HK2: variants seen among roughly 807,000 people sequenced by gnomAD.
HK2 encodes the protein hexokinase 2.
A neutral mutation model predicts 92.9 loss-of-function variants in HK2; 42 were observed. The observed-to-expected ratio is 0.45, with a 90% CI of 0.35 to 0.58. The LOEUF is 0.58. Ranked by LOEUF, HK2 falls within the 20% of genes least tolerant of loss-of-function variation. HK2 has a pLI of 0.00. For synonymous variants in HK2, 422 were observed against 468.0 expected, an observed-to-expected ratio of 0.90 and a Z score of 1.27; for missense variants, 978 against 1,245.1, an observed-to-expected ratio of 0.79 and a Z score of 3.23.
At chr2:74,839,263 A>G (rs1476090367) in intron 1 of HK2, among the ~76,000 whole-genome samples, 2 of 152,182 alleles carry the variant, frequency 1.3e-5, no homozygotes, top group East Asian at 1.9e-4. Flanking sequence ...AGAGTGAATT[A>G]CCATGGGTGG....
chr2:74,860,231 T>A (rs566427874), intron 2 of HK2, among the ~76,000 whole-genome samples: 209 of 151,840 alleles, frequency 1.4e-3, no homozygotes, highest in Middle Eastern at 6.8e-3. Context: ...TGATGAGAAA[T>A]TACTTAACGG....
At chr2:74,879,780 T>G (rs1336788302) in intron 9 of HK2, among the ~76,000 whole-genome samples, 1 of 152,234 alleles carries the variant, frequency 6.6e-6, no homozygotes, top group Non-Finnish European at 1.5e-5. Context: ...TGGCAGAAAC[T>G]GGCAAAAGAG....
At chr2:74,882,097 A>T (rs1397708334) in intron 11 of HK2, 23 bp from the exon 12 acceptor site, 6 of 1,613,106 alleles carry the variant, frequency 3.7e-6, no homozygotes, top group Non-Finnish European at 5.1e-6. Context: ...CCCCTCCCTC[A>T]GTGTCCTAAC....
intron 5 of HK2, 35 bp from the exon 6 acceptor site, chr2:74,873,809 G>A: frequency 6.8e-7 from 1 of 1,478,694 alleles, no homozygotes. Context: ...CCTCTGTGAT[G>A]ATGAAGGTCA....
rs554224790 is a variant in HK2, at chr2:74,869,935, G to A, written c.375+2151G>A. Among the ~76,000 whole-genome samples, 39 of 151,906 alleles carry A rather than the reference G, an allele frequency of 2.6e-4. 1 individual carries two copies. The highest frequency in any genetic ancestry group is 5.3e-4 in the Admixed American group (8 of 15,238). On this transcript the variant is annotated intron_variant, in intron 3 of 17. Coordinates refer to ENST00000290573, the MANE Select transcript of HK2 (RefSeq NM_000189.5). ...TGATAGGCACTGACCCTGTGGCATC[G>A]AGCCCTTGAAGTGTGGCTGGTGTGA...
At chr2:74,883,684 T>C (rs1218206699) in intron 12 of HK2, among the ~76,000 whole-genome samples, 1 of 152,234 alleles carries the variant, frequency 6.6e-6, no homozygotes, top group East Asian at 1.9e-4. Context: ...AAACTCAGCT[T>C]AGTCTGGCAT....
chr2:74,873,984 G>C (rs753417700), intron 6 of HK2, 41 bp downstream of exon 6: 6 of 1,468,322 alleles, frequency 4.1e-6, no homozygotes, highest in Non-Finnish European at 5.7e-6. Flanking sequence ...GCTGGCCAAG[G>C]GATGGGGGTG....
Position 74,867,632 on chromosome 2 carries a change from G to A in HK2, c.227-4G>A, listed in dbSNP as rs1351745825. 1 of 1,612,740 alleles carries A rather than the reference G, an allele frequency of 6.2e-7. No individual in the cohort carries two copies. The highest frequency in any genetic ancestry group is 1.7e-5 in the Admixed American group (1 of 60,000). On this transcript the variant is annotated splice_region_variant and splice_polypyrimidine_tract_variant and intron_variant, in intron 2 of 17. Coordinates refer to ENST00000290573, the MANE Select transcript of HK2 (RefSeq NM_000189.5). Reference sequence around the variant, plus strand: ...ATTAATAGTGGCCCTTCCTTTCTCTGCAGAACACGGAGAGTTCCTGGCTCT... The same window carrying A: ...ATTAATAGTGGCCCTTCCTTTCTCTACAGAACACGGAGAGTTCCTGGCTCT...
intron 7 of HK2, among the ~76,000 whole-genome samples, chr2:74,875,282 A>G (rs1167106946): frequency 6.7e-6 from 1 of 150,188 alleles, no homozygotes; most frequent in Non-Finnish European, 1.5e-5. Context: ...ATTGAACCCT[A>G]TAAATCAAGT....
chr2:74,880,418 A>G lies in HK2; in HGVS notation c.1419A>G (p.Thr473=), dbSNP rs1433106247. Residue 473 remains threonine, a synonymous_variant, in exon 10 of 18, where the codon ACA becomes ACG. Coordinates refer to ENST00000290573, the MANE Select transcript of HK2 (RefSeq NM_000189.5). ...LADQHRARQK[T]LEHLQLSHDQ... ...ATCAACACCGTGCCCGCCAGAAGAC[A>G]TTAGAGCATCTGCAGCTGAGCCATG... 5 of 1,614,248 alleles carry G rather than the reference A, an allele frequency of 3.1e-6. No individual in the cohort carries two copies. The highest frequency in any genetic ancestry group is 1.3e-5 in the African/African-American group (1 of 75,066).
intron 1 of HK2, among the ~76,000 whole-genome samples, chr2:74,846,650 A>G (rs1471031162): frequency 6.6e-6 from 1 of 151,826 alleles, no homozygotes; most frequent in Admixed American, 6.6e-5. Flanking sequence ...CTCTTGCACC[A>G]CTCTGGCTTG....
intron 1 of HK2, among the ~76,000 whole-genome samples, chr2:74,852,284 A>G (rs1454149099): frequency 6.6e-6 from 1 of 152,168 alleles, no homozygotes; most frequent in African/African-American, 2.4e-5. Context: ...CTGAGATGTG[A>G]AAGTTGTAAT....
intron 2 of HK2, among the ~76,000 whole-genome samples, chr2:74,861,238 G>C (rs1208473175): frequency 6.6e-6 from 1 of 152,170 alleles, no homozygotes. Context: ...TGGCCAACAT[G>C]TTGAAACCCC....
chr2:74,845,598 C>T (rs904407330), intron 1 of HK2, among the ~76,000 whole-genome samples: 4 of 152,366 alleles, frequency 2.6e-5, no homozygotes, highest in Non-Finnish European at 5.9e-5. Context: ...AGGAGTGGCC[C>T]GTATGCCTCC....
At chr2:74,869,005 A>G (rs1338921116) in intron 3 of HK2, among the ~76,000 whole-genome samples, 1 of 152,116 alleles carries the variant, frequency 6.6e-6, no homozygotes, top group Non-Finnish European at 1.5e-5. Flanking sequence ...AACATTCAAG[A>G]TGTGAGTGAA....
chr2:74,857,425 C>A (rs11675530), intron 2 of HK2, among the ~76,000 whole-genome samples: 26,378 of 152,142 alleles, frequency 0.17, 2,875 homozygotes, highest in East Asian at 0.32. Flanking sequence ...CTCAGCAATT[C>A]CACTTCCAAC....
chr2:74,870,170 G>A (rs1191197192), intron 3 of HK2, among the ~76,000 whole-genome samples: 9 of 151,746 alleles, frequency 5.9e-5, no homozygotes, highest in South Asian at 2.1e-4. Context: ...CACCAGGCCC[G>A]GCTAATTTTT....
intron 8 of HK2, among the ~76,000 whole-genome samples, chr2:74,878,438 T>TGTGC (rs1482550126): frequency 7.0e-6 from 1 of 143,318 alleles, no homozygotes; most frequent in Non-Finnish European, 1.5e-5. Context: ...TGTGTGTGTG[T>TGTGC]GCGCACGCAC....
intron 2 of HK2, among the ~76,000 whole-genome samples, chr2:74,858,015 A>G (rs1311715756): frequency 1.3e-5 from 2 of 152,220 alleles, no homozygotes; most frequent in Non-Finnish European, 2.9e-5. Flanking sequence ...CAGCCCGTTC[A>G]TGGCTAGTAT....
Sources: gnomAD v4.1 joint callset for allele counts (sites outside exome capture counted in the v4.1 genomes callset) on GRCh38, gnomAD v4.1.1 for gene constraint, MANE v1.5 for transcripts, NCBI Gene and HGNC (gene_info 2026-07-23, HGNC 2026-07-21) for gene names.